TCEAL5: variants seen among roughly 807,000 people sequenced by gnomAD.
TCEAL5 encodes the protein transcription elongation factor A protein-like 5.
For missense variants in TCEAL5, 111 were observed against 158.1 expected (o/e 0.70, Z 1.60); for synonymous variants, 65 against 61.2 (o/e 1.06, Z -0.29).
At chrX:103,275,702 C>G (rs1295155187) in intron 1 of TCEAL5, among the ~76,000 whole-genome samples, 1 of 110,995 alleles carries the variant, frequency 9.0e-6, no homozygotes, top group Non-Finnish European at 1.9e-5. Flanking sequence ...ATTCCAAATC[C>G]CTCACCCTAG....
chrX:103,275,545 T>G (rs1374061920), intron 1 of TCEAL5, among the ~76,000 whole-genome samples: 1 of 111,880 alleles, frequency 8.9e-6, no homozygotes, highest in Non-Finnish European at 1.9e-5. Context: ...TTGTGGGAAA[T>G]AGGCGAGAAA....
rs1440642695 is a variant in TCEAL5 at position 103,274,333 on chromosome X, C to G, written c.231G>C (p.Lys77Asn). The G allele has an allele frequency of 8.3e-7, 1 of 1,209,610 alleles. No individual in the cohort carries two copies. Among genetic ancestry groups the G allele is most frequent in the African/African-American group, 1.8e-5 (1 of 56,949 alleles). The change falls in exon 3 of 3, where the codon AAG becomes AAC. Residue 77 changes from lysine (K) to asparagine (N), a missense_variant. Transcript: ENST00000372680. ...TTTGTGGCTTGTCCTCACCTTCAGA[C>G]TTGCCCTGCTTTTCCTGGTTTCCCT... ...EDEGNQEKQGKSEGEDKPQSE... is the reference protein window; with the variant it reads ...EDEGNQEKQGNSEGEDKPQSE...
rs935720832 is a variant in TCEAL5, at chrX:103,273,933, G to A, written c.*10C>T. ...CCCATCAGAGAAATCAGAATTAAAGGCCAAAGACATTAAACATATGGGACA... is the reference window on the plus strand; with the variant it reads ...CCCATCAGAGAAATCAGAATTAAAGACCAAAGACATTAAACATATGGGACA... On this transcript the variant is annotated 3_prime_UTR_variant, in exon 3 of 3. Transcript: ENST00000372680. 4 of 1,205,983 alleles carry A rather than the reference G, an allele frequency of 3.3e-6. No individual in the cohort carries two copies. In the East Asian group the frequency reaches 8.9e-5, roughly 27 times the overall value.
chrX:103,274,238 T>C lies in TCEAL5; in HGVS notation c.326A>G (p.Glu109Gly), dbSNP rs755696777. The C allele has an allele frequency of 8.3e-7, 1 of 1,211,488 alleles. No individual in the cohort carries two copies. Among genetic ancestry groups the C allele is most frequent in the African/African-American group, 1.7e-5 (1 of 57,636 alleles). ...QPRAAEKRPA[E>G]DYVPRKAKRK... ...TTTTGCTTTCCGGGGCACATAATCT[T>C]CAGCCGGGCGCTTTTCGGCGGCCCG... Residue 109 changes from glutamate to glycine, a missense_variant, in exon 3 of 3, where the codon GAA becomes GGA. Transcript: ENST00000372680.
intron 1 of TCEAL5, among the ~76,000 whole-genome samples, chrX:103,275,776 G>T (rs757850146): frequency 1.8e-5 from 2 of 111,084 alleles, no homozygotes; most frequent in African/African-American, 6.6e-5. Flanking sequence ...AGGGGGCAGG[G>T]CAGAAATGTC....
rs151211494 is a variant in TCEAL5 at position 103,274,039 on chromosome X, T to C, written c.525A>G (p.Val175=). Residue 175 remains valine (V), a synonymous_variant, in exon 3 of 3, where the codon GTA becomes GTG. Transcript: ENST00000372680. The stretch of plus-strand genomic sequence containing the variant: ...GGCCCCTTGGGGCGAATGGATCCTG[T>C]ACATCTCTTTGCATCCAATGAAAAC... The part of the protein sequence containing the change: ...MGGFHWMQRD[V]QDPFAPRGQR... 16 of 1,210,176 alleles carry C rather than the reference T, an allele frequency of 1.3e-5. No individual in the cohort carries two copies. The African/African-American group carries it at 2.5e-4, about 19-fold the overall frequency.
rs764465276 is a variant in TCEAL5 at position 103,276,666 on chromosome X, T to TACCG, written c.-96+3_-96+6dup. On this transcript the variant is annotated splice_region_variant and intron_variant, in intron 1 of 2. Coordinates refer to ENST00000372680, the MANE Select transcript of TCEAL5 (RefSeq NM_001012979.3). Reference sequence around the variant, plus strand: ...CCCTACCTCAGGGGTCCCCGGCTTGTACCGACCTGCAGGGCTGTAGGGCAG... The same window carrying TACCG: ...CCCTACCTCAGGGGTCCCCGGCTTGTACCGACCGACCTGCAGGGCTGTAGGGCAG... 1.8e-5 allele frequency: 2 copies of TACCG among 111,369 alleles called. No homozygotes were observed. The highest frequency in any genetic ancestry group is 5.7e-4 in the East Asian group (2 of 3,512). The allele number at this position is 111,369 out of a possible 1,213,427, so 9.2% of individuals were successfully genotyped here.
rs939766216 is a variant in TCEAL5, at chrX:103,274,632, G to C, written c.-27-42C>G. 4 of 1,122,183 alleles carry C rather than the reference G, an allele frequency of 3.6e-6. No individual in the cohort carries two copies. The African/African-American group carries it at 5.6e-5, about 16-fold the overall frequency. 92.5% of individuals were successfully genotyped at this position (1,122,183 alleles called of 1,213,427 possible). ...AGACACAGGACACTGAGGGCTTTGG[G>C]GGTTGAACACAGGTCCTTATAGTAC... On this transcript the variant is annotated intron_variant, in intron 2 of 2. Transcript: ENST00000372680.
intron 1 of TCEAL5, among the ~76,000 whole-genome samples, chrX:103,276,239 A>T: frequency 9.1e-6 from 1 of 110,131 alleles, no homozygotes; most frequent in Non-Finnish European, 1.9e-5. Context: ...GCTTCCTAGG[A>T]GTTCCCAACT....
Position 103,273,896 on chromosome X carries a change from A to T in TCEAL5, c.*47T>A. ...GCAAATGCCTGCCAGGAAAAGCAGGACTGGCAATATTCCCATCAGAGAAAT... is the reference window on the plus strand; with the variant it reads ...GCAAATGCCTGCCAGGAAAAGCAGGTCTGGCAATATTCCCATCAGAGAAAT... On this transcript the variant is annotated 3_prime_UTR_variant, in exon 3 of 3. Transcript: ENST00000372680. The T allele has an allele frequency of 8.4e-6, 10 of 1,184,433 alleles. No individual in the cohort carries two copies. Among genetic ancestry groups the T allele is most frequent in the Non-Finnish European group, 1.1e-5 (10 of 880,303 alleles).
chrX:103,274,147 A>G lies in TCEAL5; in HGVS notation c.417T>C (p.His139=), dbSNP rs1234110094. 1 of 1,209,965 alleles carries G rather than the reference A, an allele frequency of 8.3e-7. No individual in the cohort carries two copies. The highest frequency in any genetic ancestry group is 3.0e-5 in the East Asian group (1 of 33,767). Residue 139 remains histidine (H), a synonymous_variant, in exon 3 of 3, where the codon CAT becomes CAC. Transcript: ENST00000372680. ...KDSQEDLQER[H]LSSEEMMREC... ...CTCTCATCATCTCCTCACTGCTCAG[A>G]TGCCTTTCTTGTAAGTCCTCCTGAG...
chrX:103,274,378 A>T lies in TCEAL5; in HGVS notation c.186T>A (p.Asp62Glu), dbSNP rs1602957883. 1 of 1,210,230 alleles carries T rather than the reference A, an allele frequency of 8.3e-7. No homozygotes were observed. Among genetic ancestry groups the T allele is most frequent in the Non-Finnish European group, 1.1e-6 (1 of 895,144 alleles). The change falls in exon 3 of 3, where the codon GAT (aspartate) becomes GAA (glutamate). Residue 62 changes from aspartate to glutamate, a missense_variant. Transcript: ENST00000372680. The stretch of plus-strand genomic sequence containing the variant: ...TTCCCTCATCTTCCAGTTGTCCCTC[A>T]TCACCTGGCTCTCCCTCATCCTCTC... ...GKREDEGEPG[D>E]EGQLEDEGNQ...
intron 1 of TCEAL5, among the ~76,000 whole-genome samples, chrX:103,275,613 T>C (rs1339810725): frequency 9.0e-6 from 1 of 111,686 alleles, no homozygotes; most frequent in Non-Finnish European, 1.9e-5. Flanking sequence ...TTTATCTCAC[T>C]TTTCTGGCAC....
At position 103,274,575 on chromosome X, in the gene TCEAL5, C is replaced by T. The variant is rs1268232753; in HGVS notation, c.-12G>A. On this transcript the variant is annotated 5_prime_UTR_variant, in exon 3 of 3. Coordinates refer to ENST00000372680, the MANE Select transcript of TCEAL5 (RefSeq NM_001012979.3). ...TAGAGCTTTTCCATGTTGAGATGTT[C>T]CCTTCTTTGCCTTTCCTAGGAGACA... is the stretch of plus-strand genomic sequence containing the variant. 1.7e-6 allele frequency: 2 copies of T among 1,172,266 alleles called. No individual in the cohort carries two copies. Among genetic ancestry groups the T allele is most frequent in the South Asian group, 2.0e-5 (1 of 48,998 alleles).
At position 103,274,179 on chromosome X, in the gene TCEAL5, T is replaced by C; in HGVS notation, c.385A>G (p.Lys129Glu). Residue 129 changes from lysine (K) to glutamate (E), a missense_variant, in exon 3 of 3, where the codon AAG becomes GAG. Lys to Glu is a moderately conservative substitution (Grantham distance 56). Transcript: ENST00000372680. ...TCTTGTAAGTCCTCCTGAGAGTCCTTGGGGGAATCGTCCGTCCCCCTGTCG... is the reference window on the plus strand; with the variant it reads ...TCTTGTAAGTCCTCCTGAGAGTCCTCGGGGGAATCGTCCGTCCCCCTGTCG... ...KTDRGTDDSP[K>E]DSQEDLQERH... 8.3e-7 allele frequency: 1 copy of C among 1,212,039 alleles called. No homozygotes were observed. The highest frequency in any genetic ancestry group is 1.1e-6 in the Non-Finnish European group (1 of 895,597).
At chrX:103,275,059 T>C (rs1327720132) in intron 2 of TCEAL5, among the ~76,000 whole-genome samples, 2 of 111,758 alleles carry the variant, frequency 1.8e-5, no homozygotes, top group African/African-American at 3.3e-5. Flanking sequence ...TCACAGATGC[T>C]ACACCTCCAT....
In TCEAL5 at chrX:103,273,973, C is replaced by G. The variant is rs1925501623; in HGVS notation, c.591G>C (p.Gln197His). 1 of 1,211,989 alleles carries G rather than the reference C, an allele frequency of 8.3e-7. No homozygotes were observed. Among genetic ancestry groups the G allele is most frequent in the African/African-American group, 1.7e-5 (1 of 57,923 alleles). ...CATATGGGACATCTTCTAAGTCTTT[C>G]TGGCCCCTACCTCCGCCCCTCACTC... ...VRGVRGGGRG[Q>H]KDLEDVPYV is the part of the protein sequence containing the mutation. The change falls in exon 3 of 3, where the codon CAG becomes CAC. Residue 197 changes from glutamine to histidine, a missense_variant. Physicochemically the swap from Gln to His is conservative, Grantham distance 24. Coordinates refer to ENST00000372680, the MANE Select transcript of TCEAL5 (RefSeq NM_001012979.3).
Position 103,273,894 on chromosome X carries a change from G to A in TCEAL5, c.*49C>T. ...CGGCAAATGCCTGCCAGGAAAAGCA[G>A]GACTGGCAATATTCCCATCAGAGAA... is the stretch of plus-strand genomic sequence containing the variant. On this transcript the variant is annotated 3_prime_UTR_variant, in exon 3 of 3. Coordinates refer to ENST00000372680, the MANE Select transcript of TCEAL5 (RefSeq NM_001012979.3). 1 of 1,182,938 alleles carries A rather than the reference G, an allele frequency of 8.5e-7. No homozygotes were observed. Among genetic ancestry groups the A allele is most frequent in the African/African-American group, 1.8e-5 (1 of 56,971 alleles).
In TCEAL5 at chrX:103,275,324, C is replaced by A. The variant is rs187673173; in HGVS notation, c.-77G>T. On this transcript the variant is annotated 5_prime_UTR_variant, in exon 2 of 3. Transcript: ENST00000372680. ...CTTTTCTTGTCTGGGTTAGTGCCCA[C>A]AACCACAGACTTGAAGACCTGCAGA... 8.9e-6 allele frequency: 1 copy of A among 111,868 alleles called. No individual in the cohort carries two copies. Among genetic ancestry groups the A allele is most frequent in the Admixed American group, 9.5e-5 (1 of 10,522 alleles). 9.2% of individuals were successfully genotyped at this position (111,868 alleles called of 1,213,427 possible).
Sources: gnomAD v4.1 joint callset for allele counts (sites outside exome capture counted in the v4.1 genomes callset) on GRCh38, gnomAD v4.1.1 for gene constraint, MANE v1.5 for transcripts, NCBI Gene and HGNC (gene_info 2026-07-23, HGNC 2026-07-21) for gene names.